LGI2: variants seen among roughly 807,000 people sequenced by gnomAD.
The protein encoded by LGI2 is leucine rich repeat LGI family member 2.
A neutral mutation model predicts 52.0 loss-of-function variants in LGI2; 30 were observed. The observed-to-expected ratio is 0.58, with a 90% CI of 0.43 to 0.78. The LOEUF is 0.78. Among genes scored for constraint, LGI2 ranks in the 30% least tolerant of loss-of-function variants. The probability of loss-of-function intolerance (pLI) is 0.00; values close to 1 mark genes in which losing one functional copy is unlikely to be tolerated. For synonymous variants in LGI2, 270 were observed against 271.8 expected (o/e 0.99, Z 0.06); for missense variants, 573 against 692.5 (o/e 0.83, Z 1.94).
intron 7 of LGI2, among the ~76,000 whole-genome samples, chr4:25,011,474 T>TC (rs1560289724): frequency 1.3e-5 from 2 of 152,028 alleles, no homozygotes; most frequent in African/African-American, 4.8e-5. Flanking sequence ...TTAGCAGCTC[T>TC]CCCTGCCTCC....
chr4:25,019,723 A>G (rs1196250498), intron 4 of LGI2, among the ~76,000 whole-genome samples: 1 of 152,108 alleles, frequency 6.6e-6, no homozygotes, highest in African/African-American at 2.4e-5. Context: ...TTCCCCAGCT[A>G]TCCATTTGGA....
At position 25,023,068 on chromosome 4, in the gene LGI2, TTGATGATGATGA is replaced by T. The variant is rs59366282; in HGVS notation, c.413+1740_413+1751del. Among the ~76,000 whole-genome samples, 1,315 of 151,142 alleles carry T rather than the reference TTGATGATGATGA, an allele frequency of 8.7e-3. 23 individuals are homozygous for T. Among genetic ancestry groups the T allele is most frequent in the African/African-American group, 0.03 (1,252 of 41,102 alleles). On this transcript the variant is annotated intron_variant, in intron 4 of 7. Coordinates refer to ENST00000382114, the MANE Select transcript of LGI2 (RefSeq NM_018176.4). ...ATGGAGGGAAGGAATTATGTTGATG[TTGATGATGATGA>T]TGATGATGATGATGATGCCAATTAT...
Position 25,019,227 on chromosome 4 carries a change from T to A in LGI2, c.425A>T (p.Asn142Ile). The A allele has an allele frequency of 6.2e-7, 1 of 1,607,322 alleles. No homozygotes were observed. The stretch of plus-strand genomic sequence containing the variant: ...CCTTGGTAGTGCTTTTATGTGGTTA[T>A]TGGCCAAAGAACTAGAACAAGAAAG... Reference protein sequence around the residue: ...LRDLTHLSLANNHIKALPRDV... With the variant: ...LRDLTHLSLAINHIKALPRDV... The change falls in exon 5 of 8, where the codon AAT becomes ATT. Residue 142 changes from asparagine (N) to isoleucine (I), a missense_variant. Transcript: ENST00000382114.
intron 6 of LGI2, among the ~76,000 whole-genome samples, chr4:25,016,430 T>G (rs1486543211): frequency 6.6e-6 from 1 of 152,196 alleles, no homozygotes; most frequent in Admixed American, 6.5e-5. Flanking sequence ...ATTTAGCATT[T>G]AACGCCAAAT....
intron 3 of LGI2, among the ~76,000 whole-genome samples, chr4:25,025,530 C>A (rs1017062527): frequency 5.3e-5 from 8 of 152,178 alleles, no homozygotes; most frequent in Non-Finnish European, 1.2e-4. Context: ...TGTACTAAAA[C>A]CCCACAGGGT....
chr4:25,027,052 T>G (rs1336443337), intron 2 of LGI2, 113 bp from the exon 3 acceptor site: 6 of 796,560 alleles, frequency 7.5e-6, no homozygotes, highest in African/African-American at 1.7e-5. Context: ...GAGCTCTTCT[T>G]AGCCTAAGGA....
At chr4:24,997,771 T>C (rs1560284264), downstream of LGI2, among the ~76,000 whole-genome samples, 1 of 152,230 alleles carries the variant, frequency 6.6e-6, no homozygotes, top group Non-Finnish European at 1.5e-5. Flanking sequence ...ACACAAACTG[T>C]GCCCTGCTTC....
rs1726218278 is a variant in LGI2 at position 25,028,554 on chromosome 4, T to C, written c.222A>G (p.Ser74=). Residue 74 remains serine, a synonymous_variant, in exon 2 of 8, where the codon TCA becomes TCG. Coordinates refer to ENST00000382114, the MANE Select transcript of LGI2 (RefSeq NM_018176.4). ...SSLSLVNGTF[S]EIKDRMFSHL... is the part of the protein sequence containing the mutation. ...GGGAAAACATTCGGTCCTTGATTTC[T>C]GAAAACGTCCCATTTACCAGGCTCC... The C allele has an allele frequency of 1.9e-6, 3 of 1,613,250 alleles. No homozygotes were observed. The highest frequency in any genetic ancestry group is 2.2e-5 in the South Asian group (2 of 90,688).
At chr4:25,012,797 TG>T (rs1014883269) in intron 6 of LGI2, among the ~76,000 whole-genome samples, 2 of 152,236 alleles carry the variant, frequency 1.3e-5, no homozygotes, top group Non-Finnish European at 2.9e-5. Flanking sequence ...TGGTGAGACT[TG>T]GCTTTCAAAG....
chr4:25,013,592 T>A (rs567880954), intron 6 of LGI2, among the ~76,000 whole-genome samples: 1 of 152,338 alleles, frequency 6.6e-6, no homozygotes, highest in African/African-American at 2.4e-5. Flanking sequence ...TTTAGTTACA[T>A]GACCTTTGGC....
intron 7 of LGI2, among the ~76,000 whole-genome samples, chr4:25,011,923 GTA>G (rs914564116): frequency 2.6e-5 from 4 of 152,130 alleles, no homozygotes; most frequent in African/African-American, 9.7e-5. Flanking sequence ...AAACTATAGG[GTA>G]TGTGTGTGTG....
At chr4:24,993,251 G>T in the LGI2 span, among the ~76,000 whole-genome samples, 1 of 152,184 alleles carries the variant, frequency 6.6e-6, no homozygotes, top group Non-Finnish European at 1.5e-5. Context: ...TGAGGGAGTT[G>T]CCTAACCACT....
chr4:25,025,069 C>T lies in LGI2; in HGVS notation c.342-178G>A, dbSNP rs1051129833. Among the ~76,000 whole-genome samples, 10 of 152,160 alleles carry T rather than the reference C, an allele frequency of 6.6e-5. No individual in the cohort carries two copies. The South Asian group carries it at 8.3e-4, about 13-fold the overall frequency. On this transcript the variant is annotated intron_variant, in intron 3 of 7. Transcript: ENST00000382114. The stretch of plus-strand genomic sequence containing the variant: ...TGGTAGCAGGATGTATGCAAAAATG[C>T]GTGCACGGGAGTGTGTGGTCTGCAC...
chr4:25,008,704 C>T (rs1427129682), intron 7 of LGI2, among the ~76,000 whole-genome samples: 2 of 152,174 alleles, frequency 1.3e-5, no homozygotes, highest in Non-Finnish European at 2.9e-5. Flanking sequence ...CCGTGGCCAC[C>T]AGCTAGTAAG....
At chr4:25,028,428 T>C (rs886351608) in intron 2 of LGI2, 79 bp downstream of exon 2, 6 of 1,330,048 alleles carry the variant, frequency 4.5e-6, no homozygotes, top group Admixed American at 1.8e-5. Context: ...GAAGGGCTGA[T>C]ACCAAAGAGG....
At chr4:25,008,113 C>T (rs772037988) in intron 7 of LGI2, among the ~76,000 whole-genome samples, 6 of 152,212 alleles carry the variant, frequency 3.9e-5, no homozygotes, top group South Asian at 4.1e-4. Flanking sequence ...CCTTCTGTAG[C>T]ACCACCTTCT....
At chr4:24,992,443 G>A in the LGI2 span, among the ~76,000 whole-genome samples, 4 of 152,124 alleles carry the variant, frequency 2.6e-5, no homozygotes, top group Non-Finnish European at 5.9e-5. Context: ...GCCAGGTGCG[G>A]TGGCTCACAC....
At chr4:25,026,746 G>A in intron 3 of LGI2, 122 bp downstream of exon 3, 1 of 759,156 alleles carries the variant, frequency 1.3e-6, no homozygotes, top group Non-Finnish European at 2.4e-6. Flanking sequence ...AAAGAGAATG[G>A]GGTGTTCTCC....
At chr4:25,012,543 T>A in intron 6 of LGI2, 44 bp from the exon 7 acceptor site, 1 of 1,595,144 alleles carries the variant, frequency 6.3e-7, no homozygotes, top group Non-Finnish European at 8.6e-7. Context: ...TAAAATCTCC[T>A]GTAGGGATTA....
Sources: gnomAD v4.1 joint callset for allele counts (sites outside exome capture counted in the v4.1 genomes callset) on GRCh38, gnomAD v4.1.1 for gene constraint, MANE v1.5 for transcripts, NCBI Gene and HGNC (gene_info 2026-07-23, HGNC 2026-07-21) for gene names.